The following KAZN variants were observed in gnomAD, a reference collection of about 807,000 sequenced individuals.
The protein encoded by KAZN is kazrin, periplakin interacting protein, also known as kazrin.
KAZN carries 40 observed loss-of-function variants against 87.4 expected under a neutral mutation model. That is an observed-to-expected ratio of 0.46 (90% CI 0.36 to 0.60). The LOEUF is 0.60. Among genes scored for constraint, KAZN ranks in the 20% least tolerant of loss-of-function variants. KAZN has a pLI of 0.00. For synonymous variants in KAZN, 466 were observed against 458.3 expected, an observed-to-expected ratio of 1.02 and a Z score of -0.22; for missense variants, 898 against 1,073.9, an observed-to-expected ratio of 0.84 and a Z score of 2.29.
chr1:14,518,512 C>A (rs1571848829), intron 2 of KAZN, among the ~76,000 whole-genome samples: 1 of 152,100 alleles, frequency 6.6e-6, no homozygotes, highest in African/African-American at 2.4e-5. Flanking sequence ...AGTAAGAAAG[C>A]ATTAGGAATG....
chr1:14,793,753 C>G (rs1448591169), intron 1 of KAZN, among the ~76,000 whole-genome samples: 1 of 151,158 alleles, frequency 6.6e-6, no homozygotes, highest in Non-Finnish European at 1.5e-5. Context: ...TCTTCCTGCT[C>G]AGAGCTTTCC....
chr1:14,514,484 A>AATATATATATAAAATATATAAAAT (rs1553182515), intron 2 of KAZN, among the ~76,000 whole-genome samples: 2 of 80,168 alleles, frequency 2.5e-5, no homozygotes, highest in African/African-American at 1.1e-4. Flanking sequence ...ATTTTATATA[A>AATATATATATAAAATATATAAAAT]ATATTTATAT....
chr1:14,163,785 A>T (rs1445240069), intron 1 of KAZN, among the ~76,000 whole-genome samples: 1 of 152,188 alleles, frequency 6.6e-6, no homozygotes, highest in Non-Finnish European at 1.5e-5. Flanking sequence ...TTAACAGATC[A>T]TCCAGCTTAT....
At chr1:14,613,654 TG>T (rs1677989216) in intron 1 of KAZN, among the ~76,000 whole-genome samples, 2 of 152,244 alleles carry the variant, frequency 1.3e-5, no homozygotes, top group African/African-American at 4.8e-5. Flanking sequence ...TGAAAACTAA[TG>T]GTACATACAT....
intron 2 of KAZN, among the ~76,000 whole-genome samples, chr1:14,412,718 G>A (rs562205529): frequency 1.3e-5 from 2 of 151,812 alleles, no homozygotes; most frequent in South Asian, 2.1e-4. Context: ...AGTCTATAAA[G>A]TTAATATAAT....
chr1:14,047,792 C>T (rs61777723), intron 1 of KAZN, among the ~76,000 whole-genome samples: 20,189 of 150,966 alleles, frequency 0.13, 1,761 homozygotes, highest in Middle Eastern at 0.25. Flanking sequence ...CACTTGAGCA[C>T]GGGAGGTGGA....
chr1:14,219,238 T>C (rs183818348), intron 2 of KAZN, among the ~76,000 whole-genome samples: 1 of 152,232 alleles, frequency 6.6e-6, no homozygotes, highest in African/African-American at 2.4e-5. Flanking sequence ...TCAGAAGCGA[T>C]TGCCATAAAA....
chr1:14,460,151 G>A (rs1431741106), intron 2 of KAZN, among the ~76,000 whole-genome samples: 1 of 152,202 alleles, frequency 6.6e-6, no homozygotes, highest in East Asian at 1.9e-4. Context: ...CATTGGTGTA[G>A]CATCACCATT....
At chr1:14,477,813 C>CA (rs1255455354) in intron 2 of KAZN, among the ~76,000 whole-genome samples, 1 of 152,182 alleles carries the variant, frequency 6.6e-6, no homozygotes, top group East Asian at 1.9e-4. Flanking sequence ...TGACTCTCCC[C>CA]AGGGCCAACG....
intron 1 of KAZN, among the ~76,000 whole-genome samples, chr1:14,772,032 A>G (rs1184666395): frequency 1.3e-5 from 2 of 152,132 alleles, no homozygotes; most frequent in Non-Finnish European, 2.9e-5. Flanking sequence ...GCTCTTTCTA[A>G]GATGACAAAA....
chr1:13,926,381 T>C (rs1308042595), intron 1 of KAZN, among the ~76,000 whole-genome samples: 1 of 152,170 alleles, frequency 6.6e-6, no homozygotes, highest in Non-Finnish European at 1.5e-5. Flanking sequence ...GGAGGTGCTT[T>C]CTTTTCTTAC....
At chr1:14,810,280 C>T (rs2100781411) in intron 1 of KAZN, among the ~76,000 whole-genome samples, 1 of 152,138 alleles carries the variant, frequency 6.6e-6, no homozygotes, top group East Asian at 1.9e-4. Flanking sequence ...ACCCCCATCA[C>T]CTCATCTCTC....
At chr1:14,107,042 C>T (rs532005119) in intron 1 of KAZN, among the ~76,000 whole-genome samples, 6 of 105,364 alleles carry the variant, frequency 5.7e-5, no homozygotes, top group Admixed American at 3.7e-4. Flanking sequence ...TCCCTCCCTT[C>T]CTTTCTTCCT....
chr1:14,724,343 C>T lies in KAZN; in HGVS notation c.226+125120C>T, dbSNP rs138250091. Among the ~76,000 whole-genome samples the T allele has an allele frequency of 5.6e-3, 857 of 152,280 alleles. 14 individuals are homozygous for T. Among genetic ancestry groups the T allele is most frequent in the African/African-American group, 0.02 (818 of 41,550 alleles). On this transcript the variant is annotated intron_variant, in intron 1 of 14. Transcript: ENST00000376030. ...ATTCTCTGCACAGTAACCACAATATCGATGCCTCACTCCAGGGCACAGATG... is the reference window on the plus strand; with the variant it reads ...ATTCTCTGCACAGTAACCACAATATTGATGCCTCACTCCAGGGCACAGATG...
intron 2 of KAZN, among the ~76,000 whole-genome samples, chr1:14,197,790 G>T (rs2100391934): frequency 6.6e-6 from 1 of 152,320 alleles, no homozygotes; most frequent in Admixed American, 6.5e-5. Flanking sequence ...TGAGCAGGAA[G>T]GTCAGGCTGA....
chr1:14,347,001 C>T (rs2789748), intron 2 of KAZN, among the ~76,000 whole-genome samples: 146,652 of 152,070 alleles, frequency 0.96, 70,746 homozygotes, highest in South Asian at 0.98. Flanking sequence ...GAAGGAAATA[C>T]AACATTACAT....
At chr1:14,358,696 A>G (rs1221176151) in intron 2 of KAZN, among the ~76,000 whole-genome samples, 1 of 152,194 alleles carries the variant, frequency 6.6e-6, no homozygotes, top group African/African-American at 2.4e-5. Flanking sequence ...GTAGTCATTC[A>G]GGAGTAGGTT....
rs555884845 is a variant in KAZN at position 14,739,131 on chromosome 1, T to A, written c.226+139908T>A. Among the ~76,000 whole-genome samples, 3 of 152,252 alleles carry A rather than the reference T, an allele frequency of 2.0e-5. No individual in the cohort carries two copies. The South Asian group carries it at 6.2e-4, about 32-fold the overall frequency. On this transcript the variant is annotated intron_variant, in intron 1 of 14. Transcript: ENST00000376030. Reference sequence around the variant, plus strand: ...GAGTTGAGGTTGCAGTGAGCTATGATTGCACCACGGCACTCCAGCATGGGC... The same window carrying A: ...GAGTTGAGGTTGCAGTGAGCTATGAATGCACCACGGCACTCCAGCATGGGC...
intron 1 of KAZN, among the ~76,000 whole-genome samples, chr1:14,062,440 T>C (rs1642832040): frequency 6.6e-6 from 1 of 152,118 alleles, no homozygotes; most frequent in African/African-American, 2.4e-5. Flanking sequence ...CTAAATGGCT[T>C]TGTTAGGGTC....
Sources: allele counts gnomAD v4.1 joint callset (sites outside exome capture counted in the v4.1 genomes callset), GRCh38; gene constraint gnomAD v4.1.1; transcripts MANE v1.5; gene names NCBI Gene and HGNC (gene_info 2026-07-23, HGNC 2026-07-21).